The following GTF3C1 variants were observed in gnomAD, a reference collection of about 807,000 sequenced individuals.
GTF3C1 encodes general transcription factor IIIC subunit 1, also known as general transcription factor 3C polypeptide 1.
Under a neutral mutation model 226.7 loss-of-function variants are expected in GTF3C1, and 57 were observed. The ratio of observed to expected loss-of-function variants is 0.25; its 90% CI spans 0.20 to 0.31. GTF3C1 has a LOEUF of 0.31. Ranked by LOEUF, GTF3C1 falls within the 10% of genes least tolerant of loss-of-function variation. GTF3C1 has a pLI of 1.00. For missense variants in GTF3C1, 2,217 were observed against 2,776.1 expected (o/e 0.80, Z 4.53); for synonymous variants, 1,090 against 1,084.8 (o/e 1.00, Z -0.09).
chr16:27,549,902 T>C lies in GTF3C1; in HGVS notation c.-12A>G, dbSNP rs181685777. On this transcript the variant is annotated 5_prime_UTR_variant, in exon 1 of 37. Coordinates refer to ENST00000356183, the MANE Select transcript of GTF3C1 (RefSeq NM_001520.4). ...TCCAGCGCGTCCATTGCTACTTCAG[T>C]CGGCGGCGCCCGGGGCGCATGCGCA... is the stretch of plus-strand genomic sequence containing the variant. 4 of 1,604,574 alleles carry C rather than the reference T, an allele frequency of 2.5e-6. No homozygotes were observed. Among genetic ancestry groups the C allele is most frequent in the African/African-American group, 2.7e-5 (2 of 74,734 alleles).
intron 32 of GTF3C1, among the ~76,000 whole-genome samples, chr16:27,468,844 G>A (rs769302919): frequency 2.6e-5 from 4 of 152,174 alleles, no homozygotes; most frequent in Admixed American, 6.5e-5. Flanking sequence ...GAATGTGAGC[G>A]GAATACTTAT....
intron 29 of GTF3C1, among the ~76,000 whole-genome samples, chr16:27,473,491 T>C (rs1422537500): frequency 6.6e-6 from 1 of 152,200 alleles, no homozygotes; most frequent in Admixed American, 6.5e-5. Flanking sequence ...ATCCCTGTCA[T>C]GGTCTAAGGA....
intron 2 of GTF3C1, among the ~76,000 whole-genome samples, chr16:27,544,170 C>A (rs2089130652): frequency 6.6e-6 from 1 of 152,020 alleles, no homozygotes; most frequent in Non-Finnish European, 1.5e-5. Context: ...AGGAGGATTG[C>A]TTGAGCCCAG....
chr16:27,463,942 G>C lies in GTF3C1; in HGVS notation c.5873-350C>G, dbSNP rs1421347785. 4.7e-6 allele frequency: 2 copies of C among 422,348 alleles called. No individual in the cohort carries two copies. The highest frequency in any genetic ancestry group is 9.1e-5 in the Admixed American group (2 of 21,950). 26.2% of individuals were successfully genotyped at this position (422,348 alleles called of 1,614,324 possible). A position where few individuals can be genotyped will look rare whatever the true frequency, so the allele number is the denominator to read the frequency against. ...AAAGAAAACAAAAACGCCCAGAGAAGCCACATGAGAAGGCCGCTGCTGATG... is the reference window on the plus strand; with the variant it reads ...AAAGAAAACAAAAACGCCCAGAGAACCCACATGAGAAGGCCGCTGCTGATG... On this transcript the variant is annotated intron_variant, in intron 34 of 36. Coordinates refer to ENST00000356183, the MANE Select transcript of GTF3C1 (RefSeq NM_001520.4). This position sits in a 1 kb window ranked among gnomAD's most constrained non-coding sequence, Gnocchi z 4.9.
intron 2 of GTF3C1, among the ~76,000 whole-genome samples, chr16:27,540,636 GT>G (rs1567416615): frequency 1.3e-5 from 2 of 152,234 alleles, no homozygotes; most frequent in Non-Finnish European, 1.5e-5. Flanking sequence ...AATAAAAATA[GT>G]TTCTACCTTC....
At chr16:27,499,423 A>G (rs955027917) in intron 12 of GTF3C1, among the ~76,000 whole-genome samples, 1 of 152,124 alleles carries the variant, frequency 6.6e-6, no homozygotes, top group Non-Finnish European at 1.5e-5. Context: ...GCAGGTGAGG[A>G]CGGCCAGGCC....
intron 12 of GTF3C1, among the ~76,000 whole-genome samples, chr16:27,499,591 G>A (rs1009708616): frequency 3.3e-5 from 5 of 152,196 alleles, no homozygotes; most frequent in Admixed American, 6.5e-5. Flanking sequence ...AAGGGCTCCC[G>A]AATGCCACAC....
chr16:27,505,509 G>A (rs1054726863), intron 10 of GTF3C1, among the ~76,000 whole-genome samples: 2 of 152,210 alleles, frequency 1.3e-5, no homozygotes, highest in African/African-American at 4.8e-5. Flanking sequence ...ATTGCGAAAT[G>A]TCTCCTATGG....
At chr16:27,513,080 G>A (rs2088601216) in intron 6 of GTF3C1, among the ~76,000 whole-genome samples, 1 of 152,134 alleles carries the variant, frequency 6.6e-6, no homozygotes, top group Non-Finnish European at 1.5e-5. Context: ...GATTTTTGAG[G>A]GTCACTGTTG....
chr16:27,474,794 C>T (rs1042985671), intron 29 of GTF3C1, among the ~76,000 whole-genome samples: 3 of 152,088 alleles, frequency 2.0e-5, no homozygotes, highest in Non-Finnish European at 4.4e-5. Flanking sequence ...TACACTTGAC[C>T]GTATGTGTAA....
chr16:27,487,655 T>G (rs1392465046), intron 23 of GTF3C1, among the ~76,000 whole-genome samples: 1 of 152,070 alleles, frequency 6.6e-6, no homozygotes, highest in East Asian at 1.9e-4. Context: ...TAACCGGGTG[T>G]GGTGGCGCAC....
chr16:27,493,330 G>GGCCCTC, intron 16 of GTF3C1, 34 bp from the exon 17 acceptor site: 3 of 1,063,512 alleles, frequency 2.8e-6, no homozygotes, highest in Non-Finnish European at 4.4e-6. Context: ...AGCTCGCCCT[G>GGCCCTC]AGGGCCAGGG....
intron 10 of GTF3C1, 77 bp downstream of exon 10, chr16:27,505,822 T>A: frequency 1.2e-6 from 1 of 847,316 alleles, no homozygotes; most frequent in Non-Finnish European, 2.0e-6. Flanking sequence ...ACTGTGATCA[T>A]GTGATTCCTA....
intron 3 of GTF3C1, 57 bp from the exon 4 acceptor site, chr16:27,537,984 G>C (rs764609539): frequency 1.3e-6 from 2 of 1,568,542 alleles, no homozygotes; most frequent in Non-Finnish European, 1.7e-6. Flanking sequence ...TCAATGTATA[G>C]AGTCTCTCAC....
intron 6 of GTF3C1, among the ~76,000 whole-genome samples, chr16:27,527,135 G>A (rs959912597): frequency 6.6e-6 from 1 of 152,224 alleles, no homozygotes; most frequent in African/African-American, 2.4e-5. Context: ...TTGAGCCTGG[G>A]AGATCAAGGC....
chr16:27,519,748 G>T (rs2141424609), intron 6 of GTF3C1, among the ~76,000 whole-genome samples: 1 of 152,226 alleles, frequency 6.6e-6, no homozygotes, highest in East Asian at 1.9e-4. Flanking sequence ...CAGAAGGAAA[G>T]AAAGGAAAGA....
intron 4 of GTF3C1, 28 bp from the exon 5 acceptor site, chr16:27,533,415 T>G: frequency 8.0e-7 from 1 of 1,249,430 alleles, no homozygotes; most frequent in Non-Finnish European, 1.2e-6. Context: ...CAATTCGTTT[T>G]TTCAAACCTG....
chr16:27,511,271 G>A (rs1055446386), intron 7 of GTF3C1, among the ~76,000 whole-genome samples: 6 of 152,180 alleles, frequency 3.9e-5, no homozygotes, highest in Admixed American at 2.6e-4. Flanking sequence ...TGGAGCTGCA[G>A]CCCCCTCTTC....
In GTF3C1 at chr16:27,489,031, A is replaced by G. The variant is rs747940365; in HGVS notation, c.3429+12T>C. 3.1e-6 allele frequency: 5 copies of G among 1,611,126 alleles called. No individual in the cohort carries two copies. The South Asian group carries it at 4.4e-5, about 14-fold the overall frequency. ...ACCCCTGAGATTGTAGTCCGGTGTG[A>G]CGCACACCCACCTTTTTGGCCTGGT... On this transcript the variant is annotated intron_variant, in intron 21 of 36. Transcript: ENST00000356183.
Sources: gnomAD v4.1 joint callset for allele counts (sites outside exome capture counted in the v4.1 genomes callset) on GRCh38, gnomAD v4.1.1 for gene constraint, Gnocchi (gnomAD v3.1) non-coding constraint, MANE v1.5 for transcripts, NCBI Gene and HGNC (gene_info 2026-07-23, HGNC 2026-07-21) for gene names.